MAP4K3: variants seen among roughly 807,000 people sequenced by gnomAD.
MAP4K3 encodes the protein mitogen-activated protein kinase kinase kinase kinase 3.
In MAP4K3, 94 loss-of-function variants were observed where a neutral mutation model predicts 143.5. The observed-to-expected ratio is 0.65, with a 90% CI of 0.55 to 0.78. The LOEUF (loss-of-function observed/expected upper bound fraction) is 0.78. MAP4K3 is among the 30% of genes least tolerant of loss of function. The pLI, the probability that MAP4K3 is intolerant of heterozygous loss-of-function variation, is 0.00. For synonymous variants in MAP4K3, 416 were observed against 347.2 expected (o/e 1.20, Z -2.20); for missense variants, 1,077 against 1,068.1 (o/e 1.01, Z -0.12).
At chr2:39,271,934 G>C (rs1325524500) in intron 26 of MAP4K3, 2 of 171,590 alleles carry the variant, frequency 1.2e-5, no homozygotes, top group Non-Finnish European at 2.5e-5. Flanking sequence ...TGATTTTCTA[G>C]GTATAGAAAC....
chr2:39,398,610 T>C lies in MAP4K3; in HGVS notation c.97-20487A>G, dbSNP rs955282374. Among the ~76,000 whole-genome samples, 7 of 151,060 alleles carry C rather than the reference T, an allele frequency of 4.6e-5. No homozygotes were observed. The South Asian group carries it at 1.5e-3, about 32-fold the overall frequency. ...CTTTATTAAAATTATAAATTAAATT[T>C]GAAATAAAAAGATAAGAAATTGGTG... is the stretch of plus-strand genomic sequence containing the variant. On this transcript the variant is annotated intron_variant, in intron 1 of 33. Transcript: ENST00000263881.
chr2:39,413,590 C>T (rs1201618249), intron 1 of MAP4K3, among the ~76,000 whole-genome samples: 1 of 152,034 alleles, frequency 6.6e-6, no homozygotes, highest in East Asian at 1.9e-4. Context: ...ACTGTACATG[C>T]AAAGTAAAAA....
At chr2:39,342,986 T>A (rs1447785621) in intron 4 of MAP4K3, among the ~76,000 whole-genome samples, 2 of 152,164 alleles carry the variant, frequency 1.3e-5, no homozygotes, top group Non-Finnish European at 2.9e-5. Flanking sequence ...TCTGGCAGTA[T>A]CTAAGAGAAT....
chr2:39,391,182 C>T (rs1380723533), intron 1 of MAP4K3, among the ~76,000 whole-genome samples: 1 of 151,032 alleles, frequency 6.6e-6, no homozygotes, highest in African/African-American at 2.4e-5. Flanking sequence ...AGTGAAACCC[C>T]GTCTCTACTA....
chr2:39,312,992 C>T (rs1682991942), intron 13 of MAP4K3, among the ~76,000 whole-genome samples: 1 of 152,196 alleles, frequency 6.6e-6, no homozygotes, highest in South Asian at 2.1e-4. Context: ...AGCAGGTATT[C>T]AGTATCACTG....
At chr2:39,300,795 AAC>A (rs1448368907) in intron 15 of MAP4K3, among the ~76,000 whole-genome samples, 2 of 152,226 alleles carry the variant, frequency 1.3e-5, no homozygotes, top group Non-Finnish European at 2.9e-5. Context: ...CATAGCATTT[AAC>A]ACACAGAGCT....
chr2:39,427,732 C>T (rs1162731777), intron 1 of MAP4K3, among the ~76,000 whole-genome samples: 4 of 152,122 alleles, frequency 2.6e-5, no homozygotes, highest in South Asian at 2.1e-4. Flanking sequence ...TATTGAATAC[C>T]ATCTAAATAG....
intron 1 of MAP4K3, among the ~76,000 whole-genome samples, chr2:39,394,987 A>C (rs1432838678): frequency 3.9e-5 from 6 of 152,184 alleles, no homozygotes; most frequent in Admixed American, 3.3e-4. Context: ...TTAACATCTG[A>C]AACAAAAATG....
chr2:39,343,343 A>C (rs1256403697), intron 4 of MAP4K3, 45 bp downstream of exon 4: 1 of 1,304,818 alleles, frequency 7.7e-7, no homozygotes, highest in Non-Finnish European at 1.1e-6. Flanking sequence ...GCTGTATTTT[A>C]AGAAATTCAA....
chr2:39,285,063 T>C (rs1264680933), intron 21 of MAP4K3, among the ~76,000 whole-genome samples: 1 of 151,904 alleles, frequency 6.6e-6, no homozygotes, highest in Non-Finnish European at 1.5e-5. Context: ...TGGCTAAATT[T>C]TTATTTTTTG....
At chr2:39,308,361 C>T (rs372398974) in intron 14 of MAP4K3, among the ~76,000 whole-genome samples, 4 of 152,224 alleles carry the variant, frequency 2.6e-5, no homozygotes, top group East Asian at 1.9e-4. Flanking sequence ...TTTGGTATTA[C>T]AATATGATCA....
At chr2:39,351,181 T>G (rs959798827) in intron 3 of MAP4K3, among the ~76,000 whole-genome samples, 4 of 152,324 alleles carry the variant, frequency 2.6e-5, no homozygotes, top group African/African-American at 9.6e-5. Context: ...AGTAACTATG[T>G]ACCCCCTTTT....
At chr2:39,373,455 G>A (rs1666135147) in intron 2 of MAP4K3, among the ~76,000 whole-genome samples, 1 of 151,868 alleles carries the variant, frequency 6.6e-6, no homozygotes, top group African/African-American at 2.4e-5. Context: ...CAAAAGAAAG[G>A]AAATGAGTAT....
intron 4 of MAP4K3, among the ~76,000 whole-genome samples, 174 bp from the exon 5 acceptor site, chr2:39,337,755 T>G (rs1487577950): frequency 8.0e-6 from 1 of 125,256 alleles, no homozygotes; most frequent in South Asian, 3.0e-4. Context: ...GGCTCCAGTT[T>G]TTTTTTTTTT....
intron 1 of MAP4K3, among the ~76,000 whole-genome samples, chr2:39,428,852 G>A (rs1665185213): frequency 6.6e-6 from 1 of 151,008 alleles, no homozygotes; most frequent in East Asian, 2.0e-4. Flanking sequence ...GGTGGATCAC[G>A]AGGTCAAGAG....
At chr2:39,315,575 T>C (rs1683090130) in intron 12 of MAP4K3, 187 bp from the exon 13 acceptor site, 2 of 526,460 alleles carry the variant, frequency 3.8e-6, no homozygotes, top group African/African-American at 3.9e-5. Context: ...GGTGAAAAAA[T>C]ATTTTTATTA....
chr2:39,284,363 G>A (rs1369803849), intron 21 of MAP4K3, among the ~76,000 whole-genome samples: 2 of 151,960 alleles, frequency 1.3e-5, no homozygotes, highest in East Asian at 1.9e-4. Context: ...GTTTTACCAT[G>A]TTGGCGAGGT....
In MAP4K3 at chr2:39,343,437, C is replaced by T; in HGVS notation, c.261G>A (p.Trp87Ter). ...FGSYLRRDKL[W>*]ICMEFCGGGS... ...CACCTCCACAAAACTCCATGCAAAT[C>T]CAAAGCTTATCTCGCCTATAAAGAG... The change falls in exon 4 of 34, where the codon TGG becomes TGA. Residue 87 changes from tryptophan to a stop codon, truncating the protein, a stop_gained. Coordinates refer to ENST00000263881, the MANE Select transcript of MAP4K3 (RefSeq NM_003618.4). LOFTEE classifies it high-confidence loss of function. 6.2e-7 allele frequency: 1 copy of T among 1,613,072 alleles called. No individual in the cohort carries two copies. Among genetic ancestry groups the T allele is most frequent in the African/African-American group, 1.3e-5 (1 of 74,988 alleles).
At chr2:39,369,917 T>A (rs1478924971) in intron 2 of MAP4K3, among the ~76,000 whole-genome samples, 1 of 152,206 alleles carries the variant, frequency 6.6e-6, no homozygotes, top group Admixed American at 6.5e-5. Context: ...ACCACCTACA[T>A]ATGCACACAC....
Sources: gnomAD v4.1 joint callset for allele counts (sites outside exome capture counted in the v4.1 genomes callset) on GRCh38, gnomAD v4.1.1 for gene constraint, MANE v1.5 for transcripts, NCBI Gene and HGNC (gene_info 2026-07-23, HGNC 2026-07-21) for gene names.